ATP1B3: variants seen among roughly 807,000 people sequenced by gnomAD.
The protein encoded by ATP1B3 is sodium/potassium-transporting ATPase subunit beta-3.
A neutral mutation model predicts 30.2 loss-of-function variants in ATP1B3; 10 were observed. The observed-to-expected ratio is 0.33, with a 90% CI of 0.20 to 0.56. The LOEUF is 0.56. Ranked by LOEUF, ATP1B3 falls within the 20% of genes least tolerant of loss-of-function variation. ATP1B3 has a pLI of 0.90. For missense variants in ATP1B3, 238 were observed against 336.7 expected (o/e 0.71, Z 2.29); for synonymous variants, 113 against 117.0 (o/e 0.97, Z 0.22).
At chr3:141,880,979 CG>C (rs1054908271) in intron 1 of ATP1B3, among the ~76,000 whole-genome samples, 5 of 152,032 alleles carry the variant, frequency 3.3e-5, no homozygotes, top group South Asian at 2.1e-4. Flanking sequence ...CTGAGGCGGG[CG>C]GATCACCTGA....
At chr3:141,885,894 C>T (rs1933820814) in intron 1 of ATP1B3, among the ~76,000 whole-genome samples, 1 of 148,874 alleles carries the variant, frequency 6.7e-6, no homozygotes, top group African/African-American at 2.5e-5. Flanking sequence ...CACACACACA[C>T]ACACACACAC....
At chr3:141,898,958 C>CTGGT (rs1934115736) in intron 1 of ATP1B3, among the ~76,000 whole-genome samples, 3 of 152,190 alleles carry the variant, frequency 2.0e-5, no homozygotes, top group Non-Finnish European at 4.4e-5. Context: ...TTGAAAACAC[C>CTGGT]TTACATGGAA....
intron 1 of ATP1B3, among the ~76,000 whole-genome samples, chr3:141,893,345 A>G (rs79891166): frequency 0.11 from 16,362 of 152,048 alleles, 1,080 homozygotes; most frequent in Middle Eastern, 0.16. Context: ...TTACCTTTTT[A>G]TTTCTAGGTA....
chr3:141,877,250 G>A (rs1008988463), intron 1 of ATP1B3, among the ~76,000 whole-genome samples: 1 of 100,712 alleles, frequency 9.9e-6, no homozygotes. Context: ...GCCGGGCCCC[G>A]AGAGTGCAGG....
At chr3:141,898,975 A>G (rs772943900) in intron 1 of ATP1B3, among the ~76,000 whole-genome samples, 39 of 152,330 alleles carry the variant, frequency 2.6e-4, no homozygotes, top group Non-Finnish European at 4.9e-4. Flanking sequence ...GGAAGAAGCC[A>G]GTGACAAAAG....
At chr3:141,887,399 G>A (rs925402126) in intron 1 of ATP1B3, among the ~76,000 whole-genome samples, 1 of 152,170 alleles carries the variant, frequency 6.6e-6, no homozygotes, top group Admixed American at 6.5e-5. Flanking sequence ...GTGAATATCA[G>A]TAAGTCCAAC....
At chr3:141,916,169 C>CGAAA (rs1174853478) in intron 5 of ATP1B3, 149 bp downstream of exon 5, 2 of 642,144 alleles carry the variant, frequency 3.1e-6, no homozygotes, top group African/African-American at 3.7e-5. Flanking sequence ...CAACCGTAGT[C>CGAAA]TTTCTCTTCC....
At chr3:141,894,807 G>A (rs1934030763) in intron 1 of ATP1B3, among the ~76,000 whole-genome samples, 1 of 152,122 alleles carries the variant, frequency 6.6e-6, no homozygotes, top group Admixed American at 6.5e-5. Context: ...TAAGTAGAAG[G>A]AGTACACTAT....
At chr3:141,876,972 C>T (rs2107923867) in intron 1 of ATP1B3, 62 bp downstream of exon 1, 3 of 1,322,012 alleles carry the variant, frequency 2.3e-6, no homozygotes, top group Middle Eastern at 2.7e-4. Flanking sequence ...CGGGCGCGGT[C>T]TGGTGGGAAC....
intron 1 of ATP1B3, among the ~76,000 whole-genome samples, chr3:141,896,314 C>CA (rs545571151): frequency 0.069 from 9,857 of 143,836 alleles, 1,089 homozygotes; most frequent in African/African-American, 0.23. Flanking sequence ...AGTAAAATTA[C>CA]AAAAAAAAAA....
chr3:141,911,311 C>T (rs572712628), intron 3 of ATP1B3, among the ~76,000 whole-genome samples: 8 of 152,070 alleles, frequency 5.3e-5, no homozygotes, highest in South Asian at 2.1e-4. Context: ...TTAAAACGTT[C>T]GACTGCTGTC....
At chr3:141,884,316 T>G (rs567892747) in intron 1 of ATP1B3, among the ~76,000 whole-genome samples, 2 of 152,246 alleles carry the variant, frequency 1.3e-5, no homozygotes, top group Admixed American at 1.3e-4. Context: ...TACTTTTCTT[T>G]TGGTTTTTGC....
chr3:141,900,852 G>A (rs151116723), intron 1 of ATP1B3, among the ~76,000 whole-genome samples: 47 of 152,116 alleles, frequency 3.1e-4, no homozygotes, highest in African/African-American at 1.0e-3. Context: ...GCACAGTCTC[G>A]GCTCACTGCA....
rs1170733258 is a variant in ATP1B3, at chr3:141,876,811, A to G, written c.10A>G (p.Asn4Asp). Residue 4 changes from asparagine to aspartate, a missense_variant, in exon 1 of 7, where the codon AAC (asparagine) becomes GAC (aspartate). Asn to Asp is a conservative substitution (Grantham distance 23). Around this residue, in one of 3 missense-constraint regions of ATP1B3, gnomAD observed 130 missense variants for 148.8 expected, o/e 0.87. Coordinates refer to ENST00000286371, the MANE Select transcript of ATP1B3 (RefSeq NM_001679.4). MTK[N>D]EKKSLNQSLA... ...CGTCCGCGCGCACACCATGACGAAG[A>G]ACGAGAAGAAGTCCCTCAACCAGAG... The G allele has an allele frequency of 1.3e-6, 2 of 1,589,394 alleles. No homozygotes were observed. The highest frequency in any genetic ancestry group is 2.2e-5 in the South Asian group (2 of 89,808).
At chr3:141,892,694 CAAATTTA>C (rs1384996281) in intron 1 of ATP1B3, among the ~76,000 whole-genome samples, 1 of 129,432 alleles carries the variant, frequency 7.7e-6, no homozygotes, top group Non-Finnish European at 1.7e-5. Flanking sequence ...CGAATATAGA[CAAATTTA>C]AAACTTTAGC....
At chr3:141,923,528 TA>T (rs1422257706) in intron 6 of ATP1B3, among the ~76,000 whole-genome samples, 16 of 152,356 alleles carry the variant, frequency 1.1e-4, no homozygotes, top group Admixed American at 2.6e-4. Flanking sequence ...CCTTTCTTTA[TA>T]AATTACCCAG....
rs138952748 is a variant in ATP1B3 at position 141,919,272 on chromosome 3, G to A, written c.583-2705G>A. Among the ~76,000 whole-genome samples the A allele has an allele frequency of 5.3e-3, 707 of 132,906 alleles. 3 individuals carry two copies. Among genetic ancestry groups the A allele is most frequent in the Non-Finnish European group, 8.3e-3 (499 of 60,310 alleles). The allele number at this position is 132,906 out of a possible 152,430, so 87.2% of individuals were successfully genotyped here. On this transcript the variant is annotated intron_variant, in intron 5 of 6. Coordinates refer to ENST00000286371, the MANE Select transcript of ATP1B3 (RefSeq NM_001679.4). ...ACAAACACTTAACATACCCTTGGAG[G>A]TGCTTTTTTTTTTTCTCTCTCTCTC... is the stretch of plus-strand genomic sequence containing the variant.
At chr3:141,889,495 C>T (rs544137920) in intron 1 of ATP1B3, among the ~76,000 whole-genome samples, 3 of 151,554 alleles carry the variant, frequency 2.0e-5, no homozygotes, top group East Asian at 1.9e-4. Context: ...TTTGGGAGGC[C>T]GAGGCAGGCG....
At chr3:141,917,508 A>G (rs986882462) in intron 5 of ATP1B3, among the ~76,000 whole-genome samples, 2 of 151,872 alleles carry the variant, frequency 1.3e-5, no homozygotes, top group African/African-American at 4.8e-5. Flanking sequence ...ATCCTGGCCA[A>G]CATACTGAAA....
Sources: allele counts gnomAD v4.1 joint callset (sites outside exome capture counted in the v4.1 genomes callset), GRCh38; gene constraint gnomAD v4.1.1; regional missense constraint gnomAD v4.1.1; transcripts MANE v1.5; gene names NCBI Gene and HGNC (gene_info 2026-07-23, HGNC 2026-07-21).